PTPRG: variants seen among roughly 807,000 people sequenced by gnomAD.
PTPRG encodes the protein protein tyrosine phosphatase receptor type G.
A neutral mutation model predicts 165.3 loss-of-function variants in PTPRG; 102 were observed. That is an observed-to-expected ratio of 0.62 (90% CI 0.53 to 0.73). The LOEUF is 0.73. Ranked by LOEUF, PTPRG falls within the 30% of genes least tolerant of loss-of-function variation. The pLI is 0.00. For missense variants in PTPRG, 1,866 were observed against 1,861.4 expected (o/e 1.00, Z -0.05); for synonymous variants, 675 against 669.5 (o/e 1.01, Z -0.13).
chr3:61,598,858 G>A (rs927838696), intron 1 of PTPRG, among the ~76,000 whole-genome samples: 1 of 152,026 alleles, frequency 6.6e-6, no homozygotes, highest in Non-Finnish European at 1.5e-5. Flanking sequence ...GCACCATACC[G>A]ACGTAATTCC....
rs376958286 is a variant in PTPRG, at chr3:61,965,538, T to G, written c.191-24087T>G. Among the ~76,000 whole-genome samples, 14 of 151,964 alleles carry G rather than the reference T, an allele frequency of 9.2e-5. 1 individual carries two copies. The highest frequency in any genetic ancestry group is 3.4e-3 in the Middle Eastern group (1 of 294). On this transcript the variant is annotated intron_variant, in intron 2 of 29. Transcript: ENST00000474889. ...GCTTAAACCCTTAGGGTGGACTTAC[T>G]TTAATGAGCAGAAAATGTGTGAGTT...
At chr3:62,221,719 G>A (rs1019621599) in intron 13 of PTPRG, among the ~76,000 whole-genome samples, 9 of 152,162 alleles carry the variant, frequency 5.9e-5, no homozygotes, top group Admixed American at 1.3e-4. Flanking sequence ...GCCTGGCACC[G>A]GGGGGTTCAA....
intron 28 of PTPRG, among the ~76,000 whole-genome samples, chr3:62,289,660 T>C (rs1487962363): frequency 2.0e-5 from 3 of 149,106 alleles, no homozygotes; most frequent in Non-Finnish European, 4.5e-5. Flanking sequence ...AAAAAATCGA[T>C]ATTGAAAAGC....
chr3:62,268,997 G>T, intron 19 of PTPRG, 38 bp from the exon 20 acceptor site: 1 of 1,511,302 alleles, frequency 6.6e-7, no homozygotes, highest in Non-Finnish European at 8.9e-7. Context: ...TTGTGGCATA[G>T]ATTGCAGTTA....
intron 24 of PTPRG, among the ~76,000 whole-genome samples, chr3:62,276,229 A>G (rs1396790756): frequency 1.3e-5 from 2 of 152,162 alleles, no homozygotes; most frequent in African/African-American, 4.8e-5. Flanking sequence ...GGTGGTTGTC[A>G]GTGTCAGCAA....
At chr3:61,994,014 G>C (rs1005781602) in intron 3 of PTPRG, among the ~76,000 whole-genome samples, 1 of 152,142 alleles carries the variant, frequency 6.6e-6, no homozygotes, top group African/African-American at 2.4e-5. Context: ...CCCACTTCTC[G>C]AAAGTTGTCT....
rs114866497 is a variant in PTPRG, at chr3:61,596,713, C to G, written c.85+34341C>G. Among the ~76,000 whole-genome samples the G allele has an allele frequency of 5.0e-3, 759 of 152,108 alleles. 8 individuals are homozygous for G. The Middle Eastern group carries it at 0.082, about 16-fold the overall frequency. ...GCTAGTTTGTAATTGTTTCCTTTTT[C>G]ACAAGTAGAAAAGACAATGAACAAA... On this transcript the variant is annotated intron_variant, in intron 1 of 29. Transcript: ENST00000474889.
At chr3:61,763,158 G>A (rs902878316) in intron 2 of PTPRG, among the ~76,000 whole-genome samples, 29 of 152,076 alleles carry the variant, frequency 1.9e-4, no homozygotes, top group Admixed American at 1.2e-3. Context: ...GCCTTAGACT[G>A]ATCAGGATCT....
chr3:62,217,434 C>A lies in PTPRG; in HGVS notation c.2156-1417C>A, dbSNP rs1054859931. The stretch of plus-strand genomic sequence containing the variant: ...ACTTCTTCCTGACTCGGGAGTCTTG[C>A]CTCTTTAAAAATCTGCTCCCATAGC... On this transcript the variant is annotated intron_variant, in intron 12 of 29. Transcript: ENST00000474889. The surrounding 1 kb of genome is among the most constrained non-coding windows in gnomAD (Gnocchi z 4.3). 6.6e-6 allele frequency: 1 copy of A among 152,226 alleles called. No homozygotes were observed. Among genetic ancestry groups the A allele is most frequent in the African/African-American group, 2.4e-5 (1 of 41,448 alleles). 9.4% of individuals were successfully genotyped at this position (152,226 alleles called of 1,614,324 possible).
At chr3:62,153,341 C>G (rs1416711753) in intron 6 of PTPRG, among the ~76,000 whole-genome samples, 1 of 152,152 alleles carries the variant, frequency 6.6e-6, no homozygotes, top group Non-Finnish European at 1.5e-5. Context: ...TCACAGCAAC[C>G]CTGAGAGTAA....
chr3:61,640,195 T>G (rs957920437), intron 1 of PTPRG, among the ~76,000 whole-genome samples: 3 of 152,216 alleles, frequency 2.0e-5, no homozygotes, highest in Admixed American at 6.5e-5. Flanking sequence ...GATTGACAGC[T>G]TGGTTTCCTG....
chr3:61,607,612 G>A (rs997519282), intron 1 of PTPRG, among the ~76,000 whole-genome samples: 2 of 152,070 alleles, frequency 1.3e-5, no homozygotes, highest in Middle Eastern at 3.2e-3. Flanking sequence ...ATAACAGAGT[G>A]GCTACAAACT....
At chr3:62,288,816 AGAAAT>A (rs1702768870) in intron 28 of PTPRG, among the ~76,000 whole-genome samples, 1 of 152,196 alleles carries the variant, frequency 6.6e-6, no homozygotes, top group South Asian at 2.1e-4. Flanking sequence ...GGGACGAAAC[AGAAAT>A]GAAATGAGAA....
At chr3:61,721,913 T>C (rs1045507298) in intron 1 of PTPRG, among the ~76,000 whole-genome samples, 1 of 152,222 alleles carries the variant, frequency 6.6e-6, no homozygotes, top group Non-Finnish European at 1.5e-5. Flanking sequence ...TGCTCTGTCA[T>C]CTGTGGATCA....
At position 61,920,660 on chromosome 3, in the gene PTPRG, C is replaced by T. The variant is rs140267975; in HGVS notation, c.191-68965C>T. On this transcript the variant is annotated intron_variant, in intron 2 of 29. Transcript: ENST00000474889. ...CCGCCTGCCTTGGCCTCCCAAAGTG[C>T]TGGGATTACAGGCGTGAGCCACTGC... Among the ~76,000 whole-genome samples the T allele has an allele frequency of 9.5e-3, 1,441 of 152,326 alleles. 15 individuals carry two copies. Among genetic ancestry groups the T allele is most frequent in the African/African-American group, 0.033 (1,358 of 41,570 alleles).
intron 1 of PTPRG, among the ~76,000 whole-genome samples, chr3:61,600,169 AAAAAAT>A (rs1411933422): frequency 2.0e-5 from 2 of 100,044 alleles, no homozygotes; most frequent in Admixed American, 9.8e-5. Flanking sequence ...CAAAAAAAAA[AAAAAAT>A]ATATATATAT....
At chr3:62,193,922 T>C (rs1215291874) in intron 9 of PTPRG, among the ~76,000 whole-genome samples, 1 of 152,242 alleles carries the variant, frequency 6.6e-6, no homozygotes, top group Non-Finnish European at 1.5e-5. Flanking sequence ...CTTTTGTTGT[T>C]CGTTTCTTTA....
intron 2 of PTPRG, among the ~76,000 whole-genome samples, chr3:61,807,337 A>T (rs2035446847): frequency 6.6e-6 from 1 of 152,224 alleles, no homozygotes; most frequent in South Asian, 2.1e-4. Context: ...GAGTTTAATT[A>T]AAGTTACTTG....
At chr3:62,149,241 C>T (rs1251705026) in intron 6 of PTPRG, among the ~76,000 whole-genome samples, 5 of 150,656 alleles carry the variant, frequency 3.3e-5, no homozygotes, top group Non-Finnish European at 5.9e-5. Flanking sequence ...ATAAAATTAA[C>T]TCCCTCTGGG....
Sources: allele counts gnomAD v4.1 joint callset (sites outside exome capture counted in the v4.1 genomes callset), GRCh38; gene constraint gnomAD v4.1.1; non-coding constraint Gnocchi (gnomAD v3.1); transcripts MANE v1.5; gene names NCBI Gene and HGNC (gene_info 2026-07-23, HGNC 2026-07-21).